The following LRRC7 variants were observed in gnomAD, a reference collection of about 807,000 sequenced individuals.
LRRC7 encodes the protein leucine-rich repeat-containing protein 7.
A neutral mutation model predicts 175.7 loss-of-function variants in LRRC7; 23 were observed. The observed-to-expected ratio is 0.13, with a 90% confidence interval of 0.09 to 0.19. LRRC7 has a LOEUF of 0.19. Among genes scored for constraint, LRRC7 ranks in the 10% least tolerant of loss-of-function variants. The pLI, the probability that LRRC7 is intolerant of heterozygous loss-of-function variation, is 1.00. For missense variants in LRRC7, 1,354 were observed against 1,904.7 expected (o/e 0.71, Z 5.38); for synonymous variants, 685 against 680.9 (o/e 1.01, Z -0.09).
intron 25 of LRRC7, among the ~76,000 whole-genome samples, chr1:70,100,004 A>G (rs1664700616): frequency 1.3e-5 from 2 of 152,302 alleles, no homozygotes; most frequent in African/African-American, 2.4e-5. Context: ...AAAAGAACAT[A>G]TGACAAGCAA....
chr1:69,925,092 T>TGGATTACATTTATTGATTTGCA (rs1365139359), intron 7 of LRRC7, among the ~76,000 whole-genome samples: 1 of 152,242 alleles, frequency 6.6e-6, no homozygotes, highest in East Asian at 1.9e-4. Flanking sequence ...GTTTATATGC[T>TGGATTACATTTATTGATTTGCA]GGATTACATT....
At chr1:69,613,534 A>T (rs1649140954) in intron 1 of LRRC7, among the ~76,000 whole-genome samples, 1 of 152,044 alleles carries the variant, frequency 6.6e-6, no homozygotes. Flanking sequence ...TGCTCAGTGC[A>T]TCTCTGTTGT....
chr1:69,861,649 T>A (rs745529618), intron 7 of LRRC7, among the ~76,000 whole-genome samples: 1 of 152,186 alleles, frequency 6.6e-6, no homozygotes, highest in Non-Finnish European at 1.5e-5. Flanking sequence ...CAAGGATATA[T>A]GCTAGGGAAT....
At chr1:70,021,689 C>G (rs1043106586) in intron 16 of LRRC7, among the ~76,000 whole-genome samples, 1 of 152,080 alleles carries the variant, frequency 6.6e-6, no homozygotes, top group African/African-American at 2.4e-5. Context: ...GGGAACATAA[C>G]TTCAATTTTT....
chr1:69,730,157 A>C (rs1667411321), intron 2 of LRRC7, among the ~76,000 whole-genome samples: 1 of 152,108 alleles, frequency 6.6e-6, no homozygotes, highest in African/African-American at 2.4e-5. Flanking sequence ...TTTCCCTCCT[A>C]GGCCTTCAGG....
At chr1:69,795,922 G>GT (rs1406566896) in intron 4 of LRRC7, among the ~76,000 whole-genome samples, 2 of 127,168 alleles carry the variant, frequency 1.6e-5, no homozygotes, top group South Asian at 2.3e-4. Flanking sequence ...GTTTTTTTTT[G>GT]TTTTTTTCTT....
At chr1:69,925,677 G>C (rs556833537) in intron 7 of LRRC7, among the ~76,000 whole-genome samples, 4 of 152,210 alleles carry the variant, frequency 2.6e-5, no homozygotes, top group African/African-American at 7.2e-5. Flanking sequence ...GCGTCTATTT[G>C]ATTCTTCTCT....
chr1:69,775,762 C>T (rs910161744), intron 3 of LRRC7, among the ~76,000 whole-genome samples: 7 of 152,032 alleles, frequency 4.6e-5, no homozygotes, highest in Non-Finnish European at 8.8e-5. Flanking sequence ...GAATCAAATG[C>T]GAAATTCATC....
At chr1:69,717,375 G>A (rs1235193042) in intron 2 of LRRC7, among the ~76,000 whole-genome samples, 6 of 151,626 alleles carry the variant, frequency 4.0e-5, no homozygotes, top group Non-Finnish European at 1.5e-5. Flanking sequence ...CTTTATGAAT[G>A]ACAGGTCATG....
chr1:69,768,354 C>G (rs1194752780), intron 3 of LRRC7, among the ~76,000 whole-genome samples: 1 of 152,182 alleles, frequency 6.6e-6, no homozygotes, highest in African/African-American at 2.4e-5. Context: ...TGCTCTGCCC[C>G]TGGCTTGCTC....
chr1:69,610,254 T>C (rs1263164183), intron 1 of LRRC7, among the ~76,000 whole-genome samples: 6 of 152,246 alleles, frequency 3.9e-5, no homozygotes, highest in Non-Finnish European at 7.4e-5. Context: ...CTGTTCCTTT[T>C]TCCCTCCTTT....
chr1:69,908,215 C>G (rs928480549), intron 7 of LRRC7, among the ~76,000 whole-genome samples: 1 of 152,096 alleles, frequency 6.6e-6, no homozygotes, highest in African/African-American at 2.4e-5. Context: ...AAAACCAGCT[C>G]CTGGATTCAT....
chr1:70,029,741 G>A (rs959095153), intron 18 of LRRC7, among the ~76,000 whole-genome samples: 1 of 152,018 alleles, frequency 6.6e-6, no homozygotes, highest in African/African-American at 2.4e-5. Flanking sequence ...ATAACTGGTG[G>A]TCATGAAAAT....
chr1:69,713,684 C>T (rs1372614828), intron 2 of LRRC7, among the ~76,000 whole-genome samples: 5 of 150,956 alleles, frequency 3.3e-5, no homozygotes, highest in Admixed American at 1.3e-4. Context: ...TGTCCAGCTA[C>T]GTTTATGATC....
At chr1:69,916,816 A>G (rs1646732891) in intron 7 of LRRC7, among the ~76,000 whole-genome samples, 3 of 152,120 alleles carry the variant, frequency 2.0e-5, no homozygotes, top group Admixed American at 2.0e-4. Flanking sequence ...GCAGAGGGAG[A>G]AAAACAACAA....
intron 15 of LRRC7, 199 bp from the exon 16 acceptor site, chr1:70,020,806 G>A (rs1196362350): frequency 2.9e-6 from 1 of 346,732 alleles, no homozygotes; most frequent in Non-Finnish European, 5.0e-6. Flanking sequence ...TTTGAGTTAA[G>A]ATTACAAAAG....
intron 8 of LRRC7, among the ~76,000 whole-genome samples, chr1:69,948,555 C>A (rs908683135): frequency 1.3e-5 from 2 of 152,134 alleles, no homozygotes; most frequent in Non-Finnish European, 2.9e-5. Flanking sequence ...GATTTACAAA[C>A]AAGCACATAT....
intron 1 of LRRC7, among the ~76,000 whole-genome samples, chr1:69,600,021 A>G (rs547363883): frequency 6.6e-6 from 1 of 152,334 alleles, no homozygotes. Context: ...GACTAAGTCT[A>G]GAGCCACTCC....
chr1:70,116,564 AAC>A (rs1553207050), intron 26 of LRRC7, among the ~76,000 whole-genome samples: 1 of 151,634 alleles, frequency 6.6e-6, no homozygotes. Context: ...AAAAAAAAAA[AAC>A]ACAGAAATTC....
Sources: allele counts gnomAD v4.1 joint callset (sites outside exome capture counted in the v4.1 genomes callset), GRCh38; gene constraint gnomAD v4.1.1; transcripts MANE v1.5; gene names NCBI Gene and HGNC (gene_info 2026-07-23, HGNC 2026-07-21).